Variants in PDZD2 observed in about 807,000 individuals in gnomAD.
PDZD2 encodes the protein PDZ domain-containing protein 2.
PDZD2 carries 90 observed loss-of-function variants against 220.7 expected under a neutral mutation model. That is an observed-to-expected ratio of 0.41 (90% CI 0.34 to 0.49). The LOEUF (loss-of-function observed/expected upper bound fraction) is 0.49, where lower values mean the gene tolerates loss of function less well. Ranked by LOEUF, PDZD2 falls within the 20% of genes least tolerant of loss-of-function variation. The pLI is 0.28. For synonymous variants in PDZD2, 1,375 were observed against 1,450.5 expected (o/e 0.95, Z 1.18); for missense variants, 3,174 against 3,608.5 (o/e 0.88, Z 3.08).
At chr5:31,750,941 T>C (rs988917882) in intron 1 of PDZD2, among the ~76,000 whole-genome samples, 4 of 151,762 alleles carry the variant, frequency 2.6e-5, no homozygotes, top group Non-Finnish European at 5.9e-5. Context: ...CATTTGGTGG[T>C]TTTGAGTAAG....
intron 1 of PDZD2, among the ~76,000 whole-genome samples, chr5:31,733,649 C>G (rs1749668139): frequency 6.6e-6 from 1 of 152,212 alleles, no homozygotes; most frequent in Non-Finnish European, 1.5e-5. Context: ...TGGTGGCCGT[C>G]TTTACTCCCA....
intron 6 of PDZD2, among the ~76,000 whole-genome samples, chr5:32,035,606 G>T (rs1315094262): frequency 2.0e-5 from 3 of 151,604 alleles, no homozygotes; most frequent in African/African-American, 7.3e-5. Flanking sequence ...GAATAGCTGG[G>T]ACTACAGGCA....
intron 2 of PDZD2, among the ~76,000 whole-genome samples, chr5:31,857,959 C>T (rs1462397183): frequency 6.6e-6 from 1 of 152,046 alleles, no homozygotes; most frequent in Non-Finnish European, 1.5e-5. Context: ...CCGAGTAATT[C>T]GGACTACAGG....
At chr5:31,763,287 G>T (rs867242650) in intron 1 of PDZD2, among the ~76,000 whole-genome samples, 2 of 152,080 alleles carry the variant, frequency 1.3e-5, no homozygotes, top group Admixed American at 1.3e-4. Flanking sequence ...GGTATCAGGC[G>T]GTCAGGATGA....
At chr5:31,858,315 C>A (rs1356374275) in intron 2 of PDZD2, among the ~76,000 whole-genome samples, 2 of 152,142 alleles carry the variant, frequency 1.3e-5, no homozygotes, top group African/African-American at 2.4e-5. Flanking sequence ...TCTGGGACAC[C>A]CAGTTAATTG....
chr5:31,936,039 G>A (rs1346168656), intron 2 of PDZD2: 9 of 965,200 alleles, frequency 9.3e-6, no homozygotes, highest in South Asian at 4.8e-5. Flanking sequence ...CAAACACAGC[G>A]TGGCTGGATG....
chr5:31,836,566 CA>C (rs1756952648), intron 2 of PDZD2, among the ~76,000 whole-genome samples: 1 of 152,002 alleles, frequency 6.6e-6, no homozygotes, highest in African/African-American at 2.4e-5. Context: ...ATGATTTTTA[CA>C]AATGTCCCCA....
At chr5:31,871,432 A>G (rs1047946531) in intron 2 of PDZD2, among the ~76,000 whole-genome samples, 1 of 152,130 alleles carries the variant, frequency 6.6e-6, no homozygotes, top group African/African-American at 2.4e-5. Context: ...TTGCTTCCAT[A>G]CCTTCATTCT....
Position 31,643,400 on chromosome 5 carries a change from CTT to C in PDZD2, c.-361+3966_-361+3967del, listed in dbSNP as rs1198983461. On this transcript the variant is annotated intron_variant, in intron 1 of 24. Transcript: ENST00000438447. ...CTGCGTCTAAATTTAATGTCCCTCT[CTT>C]TTGCAAAGATCCAGTTACCAGGTGC... Among the ~76,000 whole-genome samples the C allele has an allele frequency of 4.6e-5, 7 of 152,204 alleles. No individual in the cohort carries two copies. In the East Asian group the frequency reaches 1.3e-3, roughly 29 times the overall value.
intron 2 of PDZD2, among the ~76,000 whole-genome samples, chr5:31,923,835 A>G (rs1415455632): frequency 6.6e-6 from 1 of 152,208 alleles, no homozygotes; most frequent in African/African-American, 2.4e-5. Flanking sequence ...AACATCAGTG[A>G]CTGCCCTTGA....
At position 31,767,704 on chromosome 5, in the gene PDZD2, T is replaced by G. The variant is rs148296146; in HGVS notation, c.-360-31185T>G. ...CAGATGGCCATCTCCTCTGCAATATTGATGGGGCCTGCAGACTTGAAGCAA... is the reference window on the plus strand; with the variant it reads ...CAGATGGCCATCTCCTCTGCAATATGGATGGGGCCTGCAGACTTGAAGCAA... On this transcript the variant is annotated intron_variant, in intron 1 of 24. Coordinates refer to ENST00000438447, the MANE Select transcript of PDZD2 (RefSeq NM_178140.4). 8.3e-3 allele frequency among the ~76,000 whole-genome samples: 1,263 copies of G among 152,312 alleles called. 10 individuals carry two copies. Among genetic ancestry groups the G allele is most frequent in the Middle Eastern group, 0.031 (9 of 294 alleles).
In PDZD2 at chr5:31,760,697, G is replaced by A. The variant is rs575808376; in HGVS notation, c.-360-38192G>A. On this transcript the variant is annotated intron_variant, in intron 1 of 24. Coordinates refer to ENST00000438447, the MANE Select transcript of PDZD2 (RefSeq NM_178140.4). ...AGCACTTTGAGAGGCCAAGTCGGGCGGATCGCTTGAAACCAGGAGTTCAAG... is the reference window on the plus strand; with the variant it reads ...AGCACTTTGAGAGGCCAAGTCGGGCAGATCGCTTGAAACCAGGAGTTCAAG... Among the ~76,000 whole-genome samples, 17 of 152,228 alleles carry A rather than the reference G, an allele frequency of 1.1e-4. 1 individual carries two copies. In the South Asian group the frequency reaches 1.2e-3, roughly 11 times the overall value.
rs575753324 is a variant in PDZD2 at position 31,908,700 on chromosome 5, G to A, written c.477-74455G>A. 961 of 1,067,984 alleles carry A rather than the reference G, an allele frequency of 9.0e-4. 1 individual carries two copies. The highest frequency in any genetic ancestry group is 1.4e-3 in the South Asian group (114 of 79,206). The allele number at this position is 1,067,984 out of a possible 1,614,324, so 66.2% of individuals were successfully genotyped here. On this transcript the variant is annotated intron_variant, in intron 2 of 24. Transcript: ENST00000438447. ...AAGAGTAAAACCTTTTATGACAGGG[G>A]CTGCAGAGCCCCTTGCAATCATGTC...
chr5:32,062,269 T>C (rs1277508188), intron 14 of PDZD2, among the ~76,000 whole-genome samples: 1 of 152,162 alleles, frequency 6.6e-6, no homozygotes, highest in Non-Finnish European at 1.5e-5. Context: ...TTTGCTTCCA[T>C]CAAAGTTGGG....
intron 19 of PDZD2, among the ~76,000 whole-genome samples, chr5:32,086,663 T>TTTG (rs57422179): frequency 0.23 from 35,240 of 150,478 alleles, 4,455 homozygotes; most frequent in South Asian, 0.48. Flanking sequence ...AGAACGCCGT[T>TTTG]TTGTTGTTGT....
At chr5:31,725,702 C>T in intron 1 of PDZD2, 1 of 915,414 alleles carries the variant, frequency 1.1e-6, no homozygotes, top group Non-Finnish European at 1.8e-6. Context: ...AGAGATGCCT[C>T]TAGTTTTGGT....
chr5:31,911,517 C>A (rs1207008227), intron 2 of PDZD2, among the ~76,000 whole-genome samples: 1 of 152,252 alleles, frequency 6.6e-6, no homozygotes, highest in South Asian at 2.1e-4. Context: ...TGTCAGCTGA[C>A]TCCTACAGTC....
intron 2 of PDZD2, chr5:31,847,533 T>C (rs1431126732): frequency 2.9e-6 from 2 of 683,692 alleles, no homozygotes; most frequent in East Asian, 6.4e-5. Flanking sequence ...GGTGTGAAGG[T>C]TGGCTGACAA....
chr5:31,781,203 C>T (rs894964381), intron 1 of PDZD2, among the ~76,000 whole-genome samples: 2 of 152,170 alleles, frequency 1.3e-5, no homozygotes, highest in Non-Finnish European at 2.9e-5. Context: ...CACTTGAGGT[C>T]AGGAGTTCAA....
Sources: gnomAD v4.1 joint callset for allele counts (sites outside exome capture counted in the v4.1 genomes callset) on GRCh38, gnomAD v4.1.1 for gene constraint, MANE v1.5 for transcripts, NCBI Gene and HGNC (gene_info 2026-07-23, HGNC 2026-07-21) for gene names.